The following MARCHF1 variants were observed in gnomAD, a reference collection of about 807,000 sequenced individuals.
MARCHF1 encodes the protein membrane associated ring-CH-type finger 1.
Under a neutral mutation model 54.2 loss-of-function variants are expected in MARCHF1, and 40 were observed. That is an observed-to-expected ratio of 0.74 (90% confidence interval 0.57 to 0.96). MARCHF1 has a LOEUF of 0.96. MARCHF1 is among the 40% of genes least tolerant of loss of function. MARCHF1 has a pLI of 0.00. For missense variants in MARCHF1, 586 were observed against 656.5 expected, an observed-to-expected ratio of 0.89 and a Z score of 1.17; for synonymous variants, 236 against 236.3, an observed-to-expected ratio of 1.00 and a Z score of 0.01.
chr4:164,335,385 G>A (rs983907411), intron 1 of MARCHF1, among the ~76,000 whole-genome samples: 3 of 152,020 alleles, frequency 2.0e-5, no homozygotes, highest in Admixed American at 6.6e-5. Context: ...GATCAAGACC[G>A]TCCTGGCTAA....
intron 4 of MARCHF1, among the ~76,000 whole-genome samples, chr4:163,799,367 T>C (rs1045922858): frequency 6.6e-6 from 1 of 152,156 alleles, no homozygotes. Context: ...CATAGAAGAA[T>C]ATACATCTTA....
chr4:163,536,634 C>T (rs1361971144), intron 9 of MARCHF1, among the ~76,000 whole-genome samples: 5 of 152,114 alleles, frequency 3.3e-5, no homozygotes, highest in African/African-American at 7.2e-5. Context: ...TTTTACAACC[C>T]CTCTTCACTG....
At chr4:164,264,776 T>G (rs553291481) in intron 1 of MARCHF1, among the ~76,000 whole-genome samples, 1 of 151,922 alleles carries the variant, frequency 6.6e-6, no homozygotes, top group Non-Finnish European at 1.5e-5. Context: ...AAAAATTAGC[T>G]GGATGTGGTG....
At position 163,525,619 on chromosome 4, in the gene MARCHF1, C is replaced by G. The variant is rs1050719897; in HGVS notation, c.*3129G>C. The stretch of plus-strand genomic sequence containing the variant: ...GATAGTTCTTTAAAAAAATTAACAG[C>G]ATCAATGTCTGGTTTAATACTGAAG... On this transcript the variant is annotated 3_prime_UTR_variant, in exon 10 of 10. Transcript: ENST00000514618. 3.1e-5 allele frequency: 4 copies of G among 130,142 alleles called. No homozygotes were observed. The Admixed American group carries it at 3.5e-4, about 11-fold the overall frequency. 8.1% of individuals were successfully genotyped at this position (130,142 alleles called of 1,614,324 possible).
chr4:164,373,160 A>AT (rs1731083808), intron 1 of MARCHF1, among the ~76,000 whole-genome samples: 1 of 152,066 alleles, frequency 6.6e-6, no homozygotes, highest in African/African-American at 2.4e-5. Flanking sequence ...TATCATCTGC[A>AT]TTTTGCAGAT....
intron 1 of MARCHF1, among the ~76,000 whole-genome samples, chr4:164,334,326 T>A (rs1448868317): frequency 6.6e-6 from 1 of 152,184 alleles, no homozygotes; most frequent in Non-Finnish European, 1.5e-5. Context: ...ACTCTTTTGT[T>A]AGGGGCTAAT....
At chr4:163,989,910 T>A (rs1752941306) in intron 2 of MARCHF1, among the ~76,000 whole-genome samples, 1 of 152,208 alleles carries the variant, frequency 6.6e-6, no homozygotes, top group Admixed American at 6.5e-5. Context: ...TATACTCAAG[T>A]ACTGCTTATA....
intron 5 of MARCHF1, among the ~76,000 whole-genome samples, chr4:163,638,189 G>A (rs1390426861): frequency 2.7e-5 from 4 of 149,592 alleles, no homozygotes; most frequent in Admixed American, 6.7e-5. Flanking sequence ...ACATGTATAC[G>A]TATGTAACTA....
intron 4 of MARCHF1, among the ~76,000 whole-genome samples, chr4:163,765,535 T>A (rs566763311): frequency 1.5e-4 from 23 of 152,238 alleles, no homozygotes; most frequent in African/African-American, 5.1e-4. Context: ...AAACTAATGA[T>A]ACAAAATTTA....
rs193142495 is a variant in MARCHF1 at position 163,535,411 on chromosome 4, G to T, written c.1340-6365C>A. On this transcript the variant is annotated intron_variant, in intron 9 of 9. Transcript: ENST00000514618. ...CCCCTTTTGCTATTTCATGCCAAAG[G>T]TGAGCTTATTACCCAATGATCTTGA... Among the ~76,000 whole-genome samples the T allele has an allele frequency of 4.6e-5, 7 of 152,090 alleles. No homozygotes were observed. The East Asian group carries it at 9.7e-4, about 21-fold the overall frequency.
chr4:164,056,520 T>TCA (rs10699824), intron 2 of MARCHF1, among the ~76,000 whole-genome samples: 112,883 of 151,840 alleles, frequency 0.74, 42,375 homozygotes, highest in Non-Finnish European at 0.79. Context: ...TCCTAATGAA[T>TCA]GTTTCACAGG....
chr4:163,541,845 A>G (rs1738732862), intron 9 of MARCHF1, among the ~76,000 whole-genome samples: 1 of 152,254 alleles, frequency 6.6e-6, no homozygotes, highest in Admixed American at 6.5e-5. Context: ...CCAATGCCAC[A>G]GGAAGATTAA....
chr4:164,371,304 G>T (rs898778878), intron 1 of MARCHF1, among the ~76,000 whole-genome samples: 1 of 152,128 alleles, frequency 6.6e-6, no homozygotes, highest in African/African-American at 2.4e-5. Flanking sequence ...TAAAGCTTTA[G>T]TAGAAAACTG....
chr4:163,914,735 T>G (rs1284608041), intron 3 of MARCHF1, among the ~76,000 whole-genome samples: 1 of 152,160 alleles, frequency 6.6e-6, no homozygotes, highest in Non-Finnish European at 1.5e-5. Flanking sequence ...TGAGAAATGA[T>G]AAGTGTCTAA....
At chr4:164,381,994 A>G (rs376928233) in intron 1 of MARCHF1, among the ~76,000 whole-genome samples, 1 of 152,200 alleles carries the variant, frequency 6.6e-6, no homozygotes, top group Non-Finnish European at 1.5e-5. Flanking sequence ...TGCTCATAAC[A>G]TTGGTCTCTC....
At chr4:164,125,852 G>A (rs1017357147) in intron 1 of MARCHF1, among the ~76,000 whole-genome samples, 4 of 152,166 alleles carry the variant, frequency 2.6e-5, no homozygotes, top group African/African-American at 9.7e-5. Context: ...TCTAGGTTGT[G>A]CAGTCCTTAT....
At chr4:163,750,367 C>T (rs1746484908) in intron 4 of MARCHF1, among the ~76,000 whole-genome samples, 2 of 151,640 alleles carry the variant, frequency 1.3e-5, no homozygotes, top group South Asian at 2.1e-4. Context: ...AAAAATTAGC[C>T]AGGTGTGGTG....
intron 1 of MARCHF1, among the ~76,000 whole-genome samples, chr4:164,261,969 GGT>G (rs139108328): frequency 3.3e-5 from 5 of 150,506 alleles, no homozygotes; most frequent in Admixed American, 6.6e-5. Flanking sequence ...GGATGTTGTG[GGT>G]GTGTGTGTGT....
At chr4:164,115,508 T>G (rs1282817886) in intron 1 of MARCHF1, among the ~76,000 whole-genome samples, 1 of 152,084 alleles carries the variant, frequency 6.6e-6, no homozygotes, top group African/African-American at 2.4e-5. Context: ...ATAGTAAAAC[T>G]TGATAATATT....
Sources: gnomAD v4.1 joint callset for allele counts (sites outside exome capture counted in the v4.1 genomes callset) on GRCh38, gnomAD v4.1.1 for gene constraint, MANE v1.5 for transcripts, NCBI Gene and HGNC (gene_info 2026-07-23, HGNC 2026-07-21) for gene names.